Variants in ZNF892 observed in about 807,000 individuals in gnomAD.
ZNF892 encodes the protein zinc finger protein 892.
chr2:95,224,838 C>T, the ZNF892 span, among the ~76,000 whole-genome samples: 2 of 152,192 alleles, frequency 1.3e-5, no homozygotes, highest in African/African-American at 4.8e-5. Context: ...TGGATTAATA[C>T]TATTCTCGTG....
the ZNF892 span, among the ~76,000 whole-genome samples, chr2:95,230,280 G>A: frequency 1.9e-3 from 292 of 152,220 alleles, 3 homozygotes; most frequent in African/African-American, 6.8e-3. Flanking sequence ...TACACTGCTC[G>A]TGTGATGGGT....
At chr2:95,237,211 G>A in the ZNF892 span, among the ~76,000 whole-genome samples, 2 of 150,356 alleles carry the variant, frequency 1.3e-5, no homozygotes, top group African/African-American at 2.5e-5. Flanking sequence ...GCAGTGGCGC[G>A]ATCACGGCTC....
At chr2:95,220,872 T>A in the ZNF892 span, among the ~76,000 whole-genome samples, 1 of 152,208 alleles carries the variant, frequency 6.6e-6, no homozygotes, top group Non-Finnish European at 1.5e-5. Flanking sequence ...AGGGTTACAT[T>A]TTTTTATTTG....
chr2:95,259,378 G>A, the ZNF892 span: 1 of 152,820 alleles, frequency 6.5e-6, no homozygotes, highest in Non-Finnish European at 1.5e-5. Context: ...GATCCAGGCA[G>A]ATGGAGGCAC....
At chr2:95,207,249 G>A in the ZNF892 span, among the ~76,000 whole-genome samples, 1 of 152,186 alleles carries the variant, frequency 6.6e-6, no homozygotes, top group Non-Finnish European at 1.5e-5. Context: ...CAAGGGCGCC[G>A]CCTTCCGCCC....
chr2:95,233,638 A>G, the ZNF892 span, among the ~76,000 whole-genome samples: 2 of 124,378 alleles, frequency 1.6e-5, no homozygotes, highest in Non-Finnish European at 3.1e-5. Context: ...GCGCCACTGC[A>G]CTCCAACCTG....
the ZNF892 span, among the ~76,000 whole-genome samples, chr2:95,253,922 A>G: frequency 6.6e-6 from 1 of 152,190 alleles, no homozygotes; most frequent in South Asian, 2.1e-4. Context: ...ATTTTTGCAC[A>G]TTGATTTTGT....
the ZNF892 span, among the ~76,000 whole-genome samples, chr2:95,226,216 A>G: frequency 6.6e-6 from 1 of 152,202 alleles, no homozygotes. Flanking sequence ...TTGGAAATCT[A>G]GGGCTACATT....
At chr2:95,250,623 CATAAATTATAAATTTATAAATATAA>C in the ZNF892 span, among the ~76,000 whole-genome samples, 3 of 130,034 alleles carry the variant, frequency 2.3e-5, no homozygotes, top group Non-Finnish European at 5.0e-5. Context: ...ATAAACTATT[CATAAATTATAAATTTATAAATATAA>C]ACTATTCATA....
At chr2:95,248,754 C>A in the ZNF892 span, among the ~76,000 whole-genome samples, 1 of 152,062 alleles carries the variant, frequency 6.6e-6, no homozygotes, top group South Asian at 2.1e-4. Context: ...TTTGACCTTG[C>A]AACACAAAAT....
chr2:95,225,366 A>G, the ZNF892 span, among the ~76,000 whole-genome samples: 1 of 152,338 alleles, frequency 6.6e-6, no homozygotes, highest in East Asian at 1.9e-4. Flanking sequence ...TTCTGGAGGC[A>G]GGGAAGTTCG....
the ZNF892 span, chr2:95,259,697 T>C: frequency 3.3e-5 from 5 of 152,294 alleles, no homozygotes; most frequent in Non-Finnish European, 7.3e-5. Context: ...GCGAGTGTTA[T>C]GATCCGATGG....
the ZNF892 span, among the ~76,000 whole-genome samples, chr2:95,223,294 G>T: frequency 6.6e-6 from 1 of 152,010 alleles, no homozygotes; most frequent in Non-Finnish European, 1.5e-5. Flanking sequence ...CCAAATACAG[G>T]CTAAGAATTG....
the ZNF892 span, among the ~76,000 whole-genome samples, chr2:95,228,716 G>A: frequency 1.2e-4 from 18 of 152,206 alleles, no homozygotes; most frequent in Admixed American, 5.9e-4. Context: ...ATTTAGTGCA[G>A]GCATTCTCAT....
chr2:95,261,750 G>A, the ZNF892 span, among the ~76,000 whole-genome samples: 34 of 152,350 alleles, frequency 2.2e-4, no homozygotes, highest in African/African-American at 7.5e-4. Context: ...AAGGAGGTGG[G>A]AGGGATGCTG....
chr2:95,213,240 A>G, the ZNF892 span, among the ~76,000 whole-genome samples: 4 of 152,154 alleles, frequency 2.6e-5, no homozygotes, highest in African/African-American at 9.7e-5. Flanking sequence ...GTTCATGAAC[A>G]TTTGGGGCTT....
the ZNF892 span, chr2:95,207,471 T>G: frequency 9.4e-6 from 2 of 211,694 alleles, no homozygotes; most frequent in Non-Finnish European, 1.9e-5. Context: ...GGAAGCGGTG[T>G]TGGGAGTGAG....
chr2:95,262,435 C>CCT, the ZNF892 span, among the ~76,000 whole-genome samples: 1 of 152,160 alleles, frequency 6.6e-6, no homozygotes, highest in African/African-American at 2.4e-5. Flanking sequence ...CTACCTGTAG[C>CCT]TATGTGTGGC....
the ZNF892 span, among the ~76,000 whole-genome samples, chr2:95,227,855 C>G: frequency 3.9e-4 from 59 of 151,964 alleles, no homozygotes; most frequent in African/African-American, 1.4e-3. Context: ...TAGGCTCAAG[C>G]CATCCTGCCA....
Sources: gnomAD v4.1 joint callset for allele counts (sites outside exome capture counted in the v4.1 genomes callset) on GRCh38, gnomAD v4.1.1 for gene constraint, MANE v1.5 for transcripts, NCBI Gene and HGNC (gene_info 2026-07-23, HGNC 2026-07-21) for gene names.